UMODL1: variants seen among roughly 807,000 people sequenced by gnomAD.
The protein encoded by UMODL1 is uromodulin-like 1.
A neutral mutation model predicts 136.3 loss-of-function variants in UMODL1; 128 were observed. The observed-to-expected ratio is 0.94, with a 90% CI of 0.81 to 1.09. The LOEUF is 1.09. Among genes scored for constraint, UMODL1 ranks in the 50% least tolerant of loss-of-function variants. The probability of loss-of-function intolerance (pLI) is 0.00; values close to 1 mark genes in which losing one functional copy is unlikely to be tolerated. For missense variants in UMODL1, 1,766 were observed against 1,725.6 expected, an observed-to-expected ratio of 1.02 and a Z score of -0.41; for synonymous variants, 721 against 720.0, an observed-to-expected ratio of 1.00 and a Z score of -0.02.
In UMODL1 at chr21:42,064,174, C is replaced by T. The variant is rs372402100; in HGVS notation, c.-141+960C>T. Among the ~76,000 whole-genome samples, 6 of 152,200 alleles carry T rather than the reference C, an allele frequency of 3.9e-5. No individual in the cohort carries two copies. In the East Asian group the frequency reaches 5.8e-4, roughly 15 times the overall value. On this transcript the variant is annotated intron_variant, in intron 1 of 22. Coordinates refer to the UMODL1 transcript ENST00000400424. ...TCAGCCCAACAGTTTCTCTGCCGGC[C>T]GTGCCTCTGCAGGTCCCTCCTCTGA...
rs1213698841 is a variant in UMODL1 at position 42,126,455 on chromosome 21, C to A, written c.3258C>A (p.Asp1086Glu). 6.2e-7 allele frequency: 1 copy of A among 1,614,250 alleles called. No homozygotes were observed. The highest frequency in any genetic ancestry group is 1.7e-5 in the Admixed American group (1 of 60,038). ...LSPIYCAFQN[D>E]LLTSSGFTLE... The stretch of plus-strand genomic sequence containing the variant: ...CCATCTACTGCGCCTTCCAGAATGA[C>A]CTGCTGACATCCTCCGGCTTCACCC... Residue 1086 changes from aspartate (D) to glutamate (E), a missense_variant, in exon 18 of 23, where the codon GAC becomes GAA. Transcript: ENST00000408910.
chr21:42,071,471 G>A, intron 1 of UMODL1, 79 bp downstream of exon 1: 1 of 1,368,760 alleles, frequency 7.3e-7, no homozygotes, highest in Non-Finnish European at 9.6e-7. Flanking sequence ...ACAGCCCCCT[G>A]TGGAGACCTG....
Position 42,123,190 on chromosome 21 carries a change from C to A in UMODL1, c.3147+40C>A. On this transcript the variant is annotated intron_variant, in intron 17 of 22. Transcript: ENST00000408910. The surrounding 1 kb of genome is among the most constrained non-coding windows in gnomAD (Gnocchi z 4.4). ...GCCAGGCTCAGGATGTACACTAGGG[C>A]GCAAGGGGCTCTAGGTTACATGGGC... 1.9e-6 allele frequency: 3 copies of A among 1,571,556 alleles called. No individual in the cohort carries two copies. Among genetic ancestry groups the A allele is most frequent in the Non-Finnish European group, 2.6e-6 (3 of 1,155,692 alleles).
intron 9 of UMODL1, among the ~76,000 whole-genome samples, chr21:42,105,814 C>T (rs898894442): frequency 6.6e-5 from 10 of 152,088 alleles, no homozygotes; most frequent in African/African-American, 2.2e-4. Context: ...GGGAATACAT[C>T]TGTGCTGTTT....
intron 14 of UMODL1, among the ~76,000 whole-genome samples, chr21:42,117,673 C>A (rs917006226): frequency 1.3e-5 from 2 of 152,336 alleles, no homozygotes; most frequent in Admixed American, 6.5e-5. Context: ...GCGCTTCCCC[C>A]ACAGATGAGA....
intron 1 of UMODL1, among the ~76,000 whole-genome samples, chr21:42,075,046 C>T (rs60128714): frequency 1.3e-3 from 198 of 152,108 alleles, no homozygotes; most frequent in African/African-American, 4.5e-3. Context: ...CTACAGGCGC[C>T]CACCGCCACT....
Position 42,111,608 on chromosome 21 carries a change from C to T in UMODL1, c.2002C>T (p.Leu668Phe). The change falls in exon 12 of 23, where the codon CTT becomes TTT. Residue 668 changes from leucine to phenylalanine, a missense_variant. Physicochemically the swap from Leu to Phe is conservative, Grantham distance 22. Coordinates refer to ENST00000408910, the MANE Select transcript of UMODL1 (RefSeq NM_001004416.3). ...WHATRSTRETLLNPTWLRNED... is the reference protein window; with the variant it reads ...WHATRSTRETFLNPTWLRNED... ...TGCCACCCGTTCCACCCGGGAAACA[C>T]TTCTGAATCCCACGTGGCTGCGAAA... is the stretch of plus-strand genomic sequence containing the variant. 6.2e-7 allele frequency: 1 copy of T among 1,614,170 alleles called. No homozygotes were observed. The highest frequency in any genetic ancestry group is 1.6e-4 in the Middle Eastern group (1 of 6,062).
At chr21:42,117,565 A>G (rs768972355) in intron 14 of UMODL1, among the ~76,000 whole-genome samples, 3 of 152,158 alleles carry the variant, frequency 2.0e-5, no homozygotes, top group African/African-American at 4.8e-5. Context: ...GGAATCTCAC[A>G]TTGTAGATTT....
chr21:42,096,477 C>T (rs1259450066), intron 6 of UMODL1, among the ~76,000 whole-genome samples: 1 of 152,216 alleles, frequency 6.6e-6, no homozygotes, highest in Non-Finnish European at 1.5e-5. Context: ...GCCCCGTACC[C>T]TGTGAGACTT....
intron 9 of UMODL1, among the ~76,000 whole-genome samples, chr21:42,106,267 C>A (rs1223938428): frequency 6.6e-6 from 1 of 152,248 alleles, no homozygotes; most frequent in African/African-American, 2.4e-5. Context: ...ACATCCACCC[C>A]CGCTGAGAGC....
chr21:42,064,179 C>T (rs1310056144), intron 1 of UMODL1, among the ~76,000 whole-genome samples: 2 of 152,174 alleles, frequency 1.3e-5, no homozygotes, highest in Non-Finnish European at 2.9e-5. Flanking sequence ...CCGGCCGTGC[C>T]TCTGCAGGTC....
At chr21:42,088,128 T>A (rs1306400780) in intron 4 of UMODL1, among the ~76,000 whole-genome samples, 166 bp from the exon 5 acceptor site, 1 of 152,222 alleles carries the variant, frequency 6.6e-6, no homozygotes, top group African/African-American at 2.4e-5. Flanking sequence ...TTGTAGGACT[T>A]CTATTGGGAT....
At chr21:42,108,283 C>T (rs375874306) in intron 9 of UMODL1, 1 of 510,418 alleles carries the variant, frequency 2.0e-6, no homozygotes. Context: ...CGGAGCACCC[C>T]CAGGAGAGTT....
At chr21:42,106,345 G>A (rs879216528) in intron 9 of UMODL1, among the ~76,000 whole-genome samples, 1 of 152,172 alleles carries the variant, frequency 6.6e-6, no homozygotes, top group Non-Finnish European at 1.5e-5. Context: ...AACAAGAAAC[G>A]AAAACACAAA....
chr21:42,121,135 C>G lies in UMODL1; in HGVS notation c.2738C>G (p.Ser913Cys). Residue 913 changes from serine to cysteine, a missense_variant, in exon 16 of 23, where the codon TCC (serine) becomes TGC (cysteine). By Grantham distance (112) the Ser-to-Cys change is moderately radical. Coordinates refer to ENST00000408910, the MANE Select transcript of UMODL1 (RefSeq NM_001004416.3). Reference protein sequence around the residue: ...RKEDDCVPGTSCRNTLGSFTC... With the variant: ...RKEDDCVPGTCCRNTLGSFTC... ...GAGGACGACTGTGTGCCGGGGACAT[C>G]CTGTCGAAACACCCTCGGGTCTTTC... The G allele has an allele frequency of 6.2e-7, 1 of 1,614,124 alleles. No individual in the cohort carries two copies. The highest frequency in any genetic ancestry group is 8.5e-7 in the Non-Finnish European group (1 of 1,180,006).
At chr21:42,075,002 C>T (rs910856023) in intron 1 of UMODL1, among the ~76,000 whole-genome samples, 18 of 151,936 alleles carry the variant, frequency 1.2e-4, no homozygotes, top group African/African-American at 2.2e-4. Context: ...CCTGGGTTCA[C>T]GCCATTCTGC....
chr21:42,101,796 G>A (rs1324452223), intron 7 of UMODL1: 1 of 454,502 alleles, frequency 2.2e-6, no homozygotes, highest in African/African-American at 2.0e-5. Context: ...GATGTTGGGG[G>A]CCTGAGTAAG....
At chr21:42,089,044 T>C (rs961870579) in intron 5 of UMODL1, among the ~76,000 whole-genome samples, 1 of 152,118 alleles carries the variant, frequency 6.6e-6, no homozygotes, top group African/African-American at 2.4e-5. Flanking sequence ...ATGTCAGGAA[T>C]TGGCAAGCCT....
intron 5 of UMODL1, 145 bp downstream of exon 5, chr21:42,088,625 G>C: frequency 1.1e-6 from 1 of 880,646 alleles, no homozygotes; most frequent in Non-Finnish European, 1.7e-6. Context: ...ACTGGTTCAA[G>C]TGTGTTCATC....
Sources: gnomAD v4.1 joint callset for allele counts (sites outside exome capture counted in the v4.1 genomes callset) on GRCh38, gnomAD v4.1.1 for gene constraint, Gnocchi (gnomAD v3.1) non-coding constraint, MANE v1.5 for transcripts, NCBI Gene and HGNC (gene_info 2026-07-23, HGNC 2026-07-21) for gene names.